CREB1: variants seen among roughly 807,000 people sequenced by gnomAD.
CREB1 encodes the protein cAMP responsive element binding protein 1.
CREB1 carries 2 observed loss-of-function variants against 42.0 expected under a neutral mutation model. The observed-to-expected ratio is 0.05, with a 90% CI of 0.02 to 0.15. The LOEUF is 0.15. CREB1 is among the 10% of genes least tolerant of loss of function. CREB1 has a pLI of 1.00. For synonymous variants in CREB1, 123 were observed against 139.9 expected, an observed-to-expected ratio of 0.88 and a Z score of 0.85; for missense variants, 199 against 388.9, an observed-to-expected ratio of 0.51 and a Z score of 4.11.
intron 1 of CREB1, among the ~76,000 whole-genome samples, chr2:207,539,044 CT>C (rs66502070): frequency 2.1e-4 from 29 of 140,420 alleles, no homozygotes; most frequent in East Asian, 4.1e-4. Flanking sequence ...TATTTGTACT[CT>C]TTTTTTTTTT....
intron 1 of CREB1, among the ~76,000 whole-genome samples, chr2:207,541,609 T>C (rs747173305): frequency 3.9e-5 from 6 of 152,310 alleles, no homozygotes; most frequent in East Asian, 1.9e-4. Context: ...TCAGAACATA[T>C]TACCATCAAG....
At chr2:207,566,794 G>A (rs1398502165) in intron 3 of CREB1, among the ~76,000 whole-genome samples, 1 of 152,062 alleles carries the variant, frequency 6.6e-6, no homozygotes, top group Non-Finnish European at 1.5e-5. Context: ...ATAACACCTG[G>A]CACATAGGCA....
chr2:207,584,227 C>T (rs1026066830), intron 7 of CREB1, among the ~76,000 whole-genome samples: 1 of 152,118 alleles, frequency 6.6e-6, no homozygotes, highest in African/African-American at 2.4e-5. Context: ...TTTAAATAAA[C>T]TGTCCAATTG....
intron 6 of CREB1, among the ~76,000 whole-genome samples, chr2:207,576,263 T>G (rs1382081053): frequency 1.3e-5 from 2 of 149,990 alleles, no homozygotes; most frequent in Non-Finnish European, 3.0e-5. Context: ...TTTTTTTAGT[T>G]TTTTTTTTCT....
At chr2:207,563,318 C>T (rs1322748436) in intron 3 of CREB1, among the ~76,000 whole-genome samples, 1 of 152,154 alleles carries the variant, frequency 6.6e-6, no homozygotes, top group Non-Finnish European at 1.5e-5. Flanking sequence ...TTTTAAAACC[C>T]TAGGAATAGA....
In CREB1 at chr2:207,555,704, A is replaced by G. The variant is rs1468883993; in HGVS notation, c.69A>G (p.Gln23=). The G allele has an allele frequency of 3.7e-6, 6 of 1,613,768 alleles. No homozygotes were observed. Among genetic ancestry groups the G allele is most frequent in the African/African-American group, 2.7e-5 (2 of 74,926 alleles). ...CAGCTGTAACAGAAGCTGAAAACCA[A>G]CAAATGACAGTTCAAGCCCAGCCAC... The part of the protein sequence containing the change: ...GDAAVTEAEN[Q]QMTVQAQPQI... The change falls in exon 2 of 8, where the codon CAA becomes CAG. Residue 23 remains glutamine, a synonymous_variant. Transcript: ENST00000353267.
chr2:207,593,419 G>C (rs1168744606), intron 7 of CREB1, among the ~76,000 whole-genome samples: 1 of 152,140 alleles, frequency 6.6e-6, no homozygotes, highest in East Asian at 1.9e-4. Flanking sequence ...GGTCCCAGCT[G>C]CTGGGGAGGT....
At chr2:207,583,036 A>G (rs2083219948) in intron 7 of CREB1, 1 of 153,876 alleles carries the variant, frequency 6.5e-6, no homozygotes, top group African/African-American at 2.4e-5. Flanking sequence ...AAAAAAAGTA[A>G]CAATATAACA....
In CREB1 at chr2:207,604,417, G is replaced by C. The variant is rs768798446; in HGVS notation, c.*7359G>C. 6.6e-5 allele frequency among the ~76,000 whole-genome samples: 10 copies of C among 152,172 alleles called. No individual in the cohort carries two copies. The highest frequency in any genetic ancestry group is 1.3e-4 in the Admixed American group (2 of 15,272). ...CACTATCCATCTGTTAAATTGTTTAGGGGAAACCTAGAAAAGCACTACCTT... is the reference window on the plus strand; with the variant it reads ...CACTATCCATCTGTTAAATTGTTTACGGGAAACCTAGAAAAGCACTACCTT... On this transcript the variant is annotated 3_prime_UTR_variant, in exon 8 of 8. Transcript: ENST00000353267.
chr2:207,557,953 G>T (rs923631598), intron 2 of CREB1, among the ~76,000 whole-genome samples: 2 of 152,158 alleles, frequency 1.3e-5, no homozygotes, highest in Non-Finnish European at 2.9e-5. Context: ...ATATGGAATT[G>T]AGATGAGATA....
At chr2:207,543,742 A>C (rs1283859608) in intron 1 of CREB1, among the ~76,000 whole-genome samples, 1 of 151,952 alleles carries the variant, frequency 6.6e-6, no homozygotes, top group Non-Finnish European at 1.5e-5. Context: ...AACTGGGACT[A>C]CAGGTGCATG....
chr2:207,565,935 T>A (rs2082124743), intron 3 of CREB1, among the ~76,000 whole-genome samples: 2 of 152,226 alleles, frequency 1.3e-5, no homozygotes, highest in African/African-American at 2.4e-5. Flanking sequence ...CAGCAGCTAC[T>A]GATTAACGTG....
At chr2:207,546,715 T>G (rs2081314451) in intron 1 of CREB1, among the ~76,000 whole-genome samples, 1 of 147,946 alleles carries the variant, frequency 6.8e-6, no homozygotes, top group South Asian at 2.2e-4. Context: ...TGGGGGACAG[T>G]GAGACCCTAT....
At chr2:207,593,255 G>T (rs879025920) in intron 7 of CREB1, among the ~76,000 whole-genome samples, 1 of 152,218 alleles carries the variant, frequency 6.6e-6, no homozygotes, top group Admixed American at 6.5e-5. Context: ...GCTGGGTGCG[G>T]TGGCTCATGC....
intron 1 of CREB1, among the ~76,000 whole-genome samples, chr2:207,533,214 T>G (rs1022585427): frequency 2.2e-5 from 2 of 91,064 alleles, no homozygotes. Context: ...TTTTGAATGA[T>G]TTTTTTTTTG....
rs2086498392 is a variant in CREB1, at chr2:207,598,301, T to C, written c.*1243T>C. On this transcript the variant is annotated 3_prime_UTR_variant, in exon 8 of 8. Coordinates refer to ENST00000353267, the MANE Select transcript of CREB1 (RefSeq NM_004379.5). ...TCTTACAAAACATTTTTTTGTTCTCTTGTAAAAAGAGTAGTTATTAGTTCT... is the reference window on the plus strand; with the variant it reads ...TCTTACAAAACATTTTTTTGTTCTCCTGTAAAAAGAGTAGTTATTAGTTCT... The C allele has an allele frequency of 5.5e-6, 1 of 183,446 alleles. No homozygotes were observed. The highest frequency in any genetic ancestry group is 2.3e-5 in the African/African-American group (1 of 42,590). The allele number at this position is 183,446 out of a possible 1,614,324, so 11.4% of individuals were successfully genotyped here.
At chr2:207,550,897 G>A (rs1559274602) in intron 1 of CREB1, among the ~76,000 whole-genome samples, 1 of 152,104 alleles carries the variant, frequency 6.6e-6, no homozygotes. Context: ...TCTGACTTAC[G>A]TGTTTTACTT....
chr2:207,572,797 C>T (rs866000676), intron 5 of CREB1, among the ~76,000 whole-genome samples: 2 of 149,316 alleles, frequency 1.3e-5, no homozygotes, highest in Admixed American at 6.7e-5. Flanking sequence ...GCCTGGGCAA[C>T]AGCGAGACTC....
At chr2:207,571,548 T>C (rs2082364107) in intron 5 of CREB1, among the ~76,000 whole-genome samples, 1 of 152,194 alleles carries the variant, frequency 6.6e-6, no homozygotes. Context: ...TCCACTGTGC[T>C]CAATTAGCTT....
Sources: allele counts gnomAD v4.1 joint callset (sites outside exome capture counted in the v4.1 genomes callset), GRCh38; gene constraint gnomAD v4.1.1; transcripts MANE v1.5; gene names NCBI Gene and HGNC (gene_info 2026-07-23, HGNC 2026-07-21).